Variants in MEGF11 observed in about 807,000 individuals in gnomAD.
The protein encoded by MEGF11 is multiple EGF like domains 11.
Under a neutral mutation model 146.6 loss-of-function variants are expected in MEGF11, and 126 were observed. The observed-to-expected ratio is 0.86, with a 90% CI of 0.74 to 1.00. The LOEUF (loss-of-function observed/expected upper bound fraction) is 1.00, where lower values mean the gene tolerates loss of function less well. Among genes scored for constraint, MEGF11 ranks in the 50% least tolerant of loss-of-function variants. The pLI is 0.00. For synonymous variants in MEGF11, 532 were observed against 583.4 expected, an observed-to-expected ratio of 0.91 and a Z score of 1.27; for missense variants, 1,509 against 1,521.2, an observed-to-expected ratio of 0.99 and a Z score of 0.13.
In MEGF11 at chr15:65,929,756, A is replaced by G; in HGVS notation, c.1536T>C (p.Pro512=). Residue 512 remains proline, a synonymous_variant, in exon 12 of 26, where the codon CCT becomes CCC. Coordinates refer to ENST00000395614, the MANE Select transcript of MEGF11 (RefSeq NM_001385028.1). ...GCTCACAGGTGTCTCCCAGCCAGCC[A>G]GGAGTGCAGGAGCAGGAGCCGTCTA... The part of the protein sequence containing the change: ...SPIDGSCSCT[P]GWLGDTCELP... 2.6e-6 allele frequency: 4 copies of G among 1,553,098 alleles called. No individual in the cohort carries two copies. The highest frequency in any genetic ancestry group is 3.5e-6 in the Non-Finnish European group (4 of 1,147,850).
intron 11 of MEGF11, 103 bp downstream of exon 11, chr15:65,930,720 G>A: frequency 1.4e-6 from 2 of 1,387,872 alleles, no homozygotes; most frequent in South Asian, 3.2e-5. Flanking sequence ...TGCATGTGGG[G>A]GCGGGGGTTG....
At chr15:66,113,906 T>C (rs1419151566) in intron 4 of MEGF11, among the ~76,000 whole-genome samples, 1 of 150,748 alleles carries the variant, frequency 6.6e-6, no homozygotes, top group Admixed American at 6.6e-5. Context: ...AAAGAAACCG[T>C]TGCCTAGTGG....
chr15:66,120,851 G>A (rs2087987363), intron 3 of MEGF11, among the ~76,000 whole-genome samples: 1 of 152,150 alleles, frequency 6.6e-6, no homozygotes, highest in South Asian at 2.1e-4. Context: ...GCCCCGCAAT[G>A]GGGGGTGGTC....
chr15:66,214,030 CTTTTTTTT>C (rs11303068), intron 1 of MEGF11, among the ~76,000 whole-genome samples: 2 of 92,342 alleles, frequency 2.2e-5, no homozygotes, highest in Non-Finnish European at 2.0e-5. Flanking sequence ...GAGCCGGCCA[CTTTTTTTT>C]TTTTTTTTTT....
chr15:66,241,885 A>G (rs1163956829), intron 1 of MEGF11, among the ~76,000 whole-genome samples: 3 of 152,200 alleles, frequency 2.0e-5, no homozygotes, highest in African/African-American at 7.2e-5. Flanking sequence ...ACACTCAGAA[A>G]TACACACGTG....
intron 4 of MEGF11, among the ~76,000 whole-genome samples, chr15:66,096,254 G>T (rs775411643): frequency 6.6e-6 from 1 of 152,250 alleles, no homozygotes; most frequent in Non-Finnish European, 1.5e-5. Context: ...TTTTCTGACT[G>T]CAGAGAGCAG....
chr15:66,137,688 G>A (rs1430142836), intron 1 of MEGF11, among the ~76,000 whole-genome samples: 2 of 151,606 alleles, frequency 1.3e-5, no homozygotes, highest in Non-Finnish European at 2.9e-5. Flanking sequence ...CTAGTAGCTG[G>A]GACCACAGGT....
At chr15:65,954,916 A>G (rs748961798) in intron 10 of MEGF11, among the ~76,000 whole-genome samples, 1 of 152,156 alleles carries the variant, frequency 6.6e-6, no homozygotes, top group Non-Finnish European at 1.5e-5. Flanking sequence ...AATGTATATG[A>G]CCAGACCGTA....
chr15:65,912,030 G>T, intron 21 of MEGF11, 52 bp downstream of exon 21: 1 of 1,046,486 alleles, frequency 9.6e-7, no homozygotes, highest in Non-Finnish European at 1.2e-6. Context: ...GCAGAGGTGA[G>T]GGTTAAATGA....
At chr15:66,217,308 G>A (rs937203007) in intron 1 of MEGF11, among the ~76,000 whole-genome samples, 3 of 152,228 alleles carry the variant, frequency 2.0e-5, no homozygotes, top group African/African-American at 4.8e-5. Flanking sequence ...GTTCACCTGC[G>A]CAGGGACAGC....
chr15:65,980,249 G>A (rs1406549147), intron 7 of MEGF11, among the ~76,000 whole-genome samples: 3 of 152,198 alleles, frequency 2.0e-5, no homozygotes, highest in South Asian at 4.1e-4. Context: ...GCTCAGAGAG[G>A]TGAGTAACTT....
At chr15:66,105,605 G>A (rs2087031203) in intron 4 of MEGF11, among the ~76,000 whole-genome samples, 1 of 152,190 alleles carries the variant, frequency 6.6e-6, no homozygotes, top group Admixed American at 6.5e-5. Context: ...CCCTGAGCAG[G>A]CACTGAAATG....
intron 11 of MEGF11, among the ~76,000 whole-genome samples, 164 bp from the exon 12 acceptor site, chr15:65,930,047 G>T (rs1484559725): frequency 1.3e-5 from 2 of 152,206 alleles, no homozygotes; most frequent in Non-Finnish European, 2.9e-5. Context: ...CAACAGAGCT[G>T]TTAGGAGAGC....
At chr15:65,905,753 T>A (rs1015892271) in intron 24 of MEGF11, 4 of 208,410 alleles carry the variant, frequency 1.9e-5, no homozygotes, top group Non-Finnish European at 2.9e-5. Flanking sequence ...AGATCAACTT[T>A]ATTTCAGATT....
intron 9 of MEGF11, among the ~76,000 whole-genome samples, chr15:65,964,066 C>T (rs1248699950): frequency 6.6e-6 from 1 of 152,218 alleles, no homozygotes; most frequent in African/African-American, 2.4e-5. Context: ...CCTTCATCAC[C>T]CAGATAAGAG....
intron 10 of MEGF11, among the ~76,000 whole-genome samples, chr15:65,943,762 A>G (rs1236337487): frequency 6.6e-6 from 1 of 152,164 alleles, no homozygotes; most frequent in African/African-American, 2.4e-5. Flanking sequence ...GATCCTGGCC[A>G]TGAAGCCCCA....
At chr15:66,182,489 G>A (rs1385833324) in intron 1 of MEGF11, among the ~76,000 whole-genome samples, 2 of 152,184 alleles carry the variant, frequency 1.3e-5, no homozygotes, top group Non-Finnish European at 2.9e-5. Flanking sequence ...TCCTTCTGAG[G>A]AGTTTGCAGA....
At chr15:65,934,809 T>C (rs767867249) in intron 10 of MEGF11, among the ~76,000 whole-genome samples, 12 of 152,204 alleles carry the variant, frequency 7.9e-5, no homozygotes, top group African/African-American at 1.2e-4. Context: ...GCTGAACATA[T>C]GGAGGTTCCG....
chr15:66,091,218 G>T (rs1391375047), intron 5 of MEGF11, among the ~76,000 whole-genome samples: 4 of 152,236 alleles, frequency 2.6e-5, no homozygotes, highest in Non-Finnish European at 5.9e-5. Flanking sequence ...AGACCCTAAG[G>T]CACTGCAGAG....
Sources: allele counts gnomAD v4.1 joint callset (sites outside exome capture counted in the v4.1 genomes callset), GRCh38; gene constraint gnomAD v4.1.1; transcripts MANE v1.5; gene names NCBI Gene and HGNC (gene_info 2026-07-23, HGNC 2026-07-21).